The following TLE4 variants were observed in gnomAD, a reference collection of about 807,000 sequenced individuals.
TLE4 encodes the protein transducin-like enhancer protein 4.
In TLE4, 8 loss-of-function variants were observed where a neutral mutation model predicts 92.8. The observed-to-expected ratio is 0.09, with a 90% CI of 0.05 to 0.16. The LOEUF is 0.16. TLE4 is among the 10% of genes least tolerant of loss of function. TLE4 has a pLI of 1.00. For missense variants in TLE4, 675 were observed against 997.6 expected (o/e 0.68, Z 4.36); for synonymous variants, 371 against 374.1 (o/e 0.99, Z 0.10).
chr9:79,632,127 C>G (rs1030544777), intron 6 of TLE4, among the ~76,000 whole-genome samples: 2 of 152,156 alleles, frequency 1.3e-5, no homozygotes, highest in African/African-American at 4.8e-5. Flanking sequence ...TCCCCCAGTG[C>G]TTTGTGGGAA....
intron 8 of TLE4, among the ~76,000 whole-genome samples, chr9:79,676,099 A>G (rs567117239): frequency 4.6e-4 from 70 of 152,234 alleles, no homozygotes; most frequent in African/African-American, 1.6e-3. Flanking sequence ...TAGAGTGACA[A>G]TAAGGGATAA....
chr9:79,651,959 T>TA (rs758350759), intron 6 of TLE4, among the ~76,000 whole-genome samples: 5 of 152,034 alleles, frequency 3.3e-5, no homozygotes, highest in African/African-American at 7.2e-5. Flanking sequence ...TTTTTTGAGA[T>TA]AAAAAAAGCC....
chr9:79,628,856 G>T (rs1335376198), intron 6 of TLE4, among the ~76,000 whole-genome samples: 1 of 148,704 alleles, frequency 6.7e-6, no homozygotes, highest in Admixed American at 6.8e-5. Flanking sequence ...GTTGAGAAAG[G>T]TTTAATTTTA....
rs540633340 is a variant in TLE4, at chr9:79,674,690, C to G, written c.609+20615C>G. On this transcript the variant is annotated intron_variant, in intron 8 of 19. Transcript: ENST00000376552. ...ATGTCCTTAGAGTGTAAACTTGTCA[C>G]GTGGGGCGGGATGTTTTAATACTTC... Among the ~76,000 whole-genome samples, 4 of 152,192 alleles carry G rather than the reference C, an allele frequency of 2.6e-5. No individual in the cohort carries two copies. The South Asian group carries it at 8.3e-4, about 32-fold the overall frequency.
intron 8 of TLE4, among the ~76,000 whole-genome samples, chr9:79,667,194 G>A (rs1396954765): frequency 6.6e-6 from 1 of 152,162 alleles, no homozygotes; most frequent in Admixed American, 6.5e-5. Flanking sequence ...GGCCTGGGGT[G>A]TTAGGGCAGG....
At chr9:79,633,581 T>G (rs142383417) in intron 6 of TLE4, among the ~76,000 whole-genome samples, 9 of 152,094 alleles carry the variant, frequency 5.9e-5, no homozygotes, top group Admixed American at 4.6e-4. Flanking sequence ...CTCGGCAGGC[T>G]GAGCTTATGC....
chr9:79,593,582 A>G (rs1286819756), intron 4 of TLE4, among the ~76,000 whole-genome samples: 1 of 152,138 alleles, frequency 6.6e-6, no homozygotes, highest in Non-Finnish European at 1.5e-5. Context: ...AGTGCTTTGT[A>G]TTTTTGCTAA....
intron 6 of TLE4, among the ~76,000 whole-genome samples, chr9:79,648,881 G>A (rs909883763): frequency 1.5e-4 from 23 of 152,160 alleles, no homozygotes; most frequent in African/African-American, 5.3e-4. Context: ...AAGTTTGGAA[G>A]ACAATTGTGG....
chr9:79,683,746 A>C (rs2065215768), intron 8 of TLE4, among the ~76,000 whole-genome samples: 1 of 152,212 alleles, frequency 6.6e-6, no homozygotes, highest in Non-Finnish European at 1.5e-5. Context: ...GAAATATTAC[A>C]TTCTAATACT....
At chr9:79,682,476 A>G (rs2064930428) in intron 8 of TLE4, among the ~76,000 whole-genome samples, 1 of 152,150 alleles carries the variant, frequency 6.6e-6, no homozygotes, top group Non-Finnish European at 1.5e-5. Context: ...CTCATTGAAA[A>G]GAGGCAAAGC....
chr9:79,649,466 T>A (rs1276408783), intron 6 of TLE4: 1 of 171,910 alleles, frequency 5.8e-6, no homozygotes, highest in East Asian at 1.8e-4. Flanking sequence ...CTGCCTCAAG[T>A]TCTTTTGACT....
At chr9:79,588,275 G>A (rs994564138) in intron 4 of TLE4, among the ~76,000 whole-genome samples, 5 of 151,866 alleles carry the variant, frequency 3.3e-5, no homozygotes, top group Non-Finnish European at 7.4e-5. Context: ...AGCCTCCTGA[G>A]TAGCTGGGAT....
chr9:79,607,959 T>C (rs2132903246), intron 4 of TLE4, among the ~76,000 whole-genome samples: 1 of 152,150 alleles, frequency 6.6e-6, no homozygotes, highest in Admixed American at 6.6e-5. Flanking sequence ...CTTATCAGCT[T>C]ATGGAGATTT....
chr9:79,669,090 C>A (rs1401981592), intron 8 of TLE4, among the ~76,000 whole-genome samples: 1 of 152,150 alleles, frequency 6.6e-6, no homozygotes, highest in African/African-American at 2.4e-5. Context: ...AATATAAAGT[C>A]TCCCTGGCTT....
chr9:79,593,333 C>T (rs2043145317), intron 4 of TLE4, among the ~76,000 whole-genome samples: 1 of 152,054 alleles, frequency 6.6e-6, no homozygotes. Flanking sequence ...TCCTTCATTC[C>T]ACCCACACCT....
chr9:79,577,359 A>G (rs1273215250), intron 4 of TLE4, among the ~76,000 whole-genome samples: 2 of 152,208 alleles, frequency 1.3e-5, no homozygotes, highest in East Asian at 3.8e-4. Flanking sequence ...AAAGTTGGAA[A>G]AAAATGAGAC....
At chr9:79,633,373 C>T (rs1202626347) in intron 6 of TLE4, among the ~76,000 whole-genome samples, 1 of 152,120 alleles carries the variant, frequency 6.6e-6, no homozygotes, top group Non-Finnish European at 1.5e-5. Context: ...TGGGACTAGC[C>T]AGCAATGCTA....
At chr9:79,677,952 TATTTTGA>T (rs2063592454) in intron 8 of TLE4, among the ~76,000 whole-genome samples, 1 of 152,188 alleles carries the variant, frequency 6.6e-6, no homozygotes, top group Non-Finnish European at 1.5e-5. Context: ...TTCTCTCTTC[TATTTTGA>T]ATGCTTCTTT....
intron 7 of TLE4, 105 bp from the exon 8 acceptor site, chr9:79,653,954 G>T: frequency 1.6e-6 from 2 of 1,276,384 alleles, no homozygotes; most frequent in Non-Finnish European, 1.1e-6. Flanking sequence ...ATTTAGCAGA[G>T]ATCAAGTTTG....
Sources: allele counts gnomAD v4.1 joint callset (sites outside exome capture counted in the v4.1 genomes callset), GRCh38; gene constraint gnomAD v4.1.1; transcripts MANE v1.5; gene names NCBI Gene and HGNC (gene_info 2026-07-23, HGNC 2026-07-21).